The following P2RX4 variants were observed in gnomAD, a reference collection of about 807,000 sequenced individuals.
The protein encoded by P2RX4 is purinergic receptor P2X 4, also known as P2X purinoceptor 4.
Under a neutral mutation model 48.0 loss-of-function variants are expected in P2RX4, and 37 were observed. The ratio of observed to expected loss-of-function variants is 0.77; its 90% CI spans 0.59 to 1.01. The LOEUF is 1.01. P2RX4 is among the 50% of genes least tolerant of loss of function. The pLI is 0.00. For synonymous variants in P2RX4, 200 were observed against 199.7 expected (o/e 1.00, Z -0.01); for missense variants, 501 against 521.4 (o/e 0.96, Z 0.38).
At chr12:121,233,432 C>G in intron 11 of P2RX4, 91 bp from the exon 12 acceptor site, 1 of 1,397,890 alleles carries the variant, frequency 7.2e-7, no homozygotes. Flanking sequence ...CTTGAGAACC[C>G]CTGGCGGTGA....
At chr12:121,212,516 G>A (rs796073300) in intron 1 of P2RX4, among the ~76,000 whole-genome samples, 2 of 147,630 alleles carry the variant, frequency 1.4e-5, no homozygotes, top group Admixed American at 6.8e-5. Flanking sequence ...TTCTGAACAC[G>A]GTGGCTCATG....
intron 5 of P2RX4, among the ~76,000 whole-genome samples, chr12:121,225,906 A>G (rs1226474573): frequency 6.6e-6 from 1 of 151,890 alleles, no homozygotes; most frequent in African/African-American, 2.4e-5. Context: ...TTTTTGACAC[A>G]GGATCTTGCT....
intron 5 of P2RX4, among the ~76,000 whole-genome samples, chr12:121,228,111 TG>T (rs1013585234): frequency 6.6e-6 from 1 of 151,642 alleles, no homozygotes; most frequent in African/African-American, 2.4e-5. Context: ...ATATATAGGC[TG>T]GGCGTGATGG....
intron 1 of P2RX4, chr12:121,215,103 C>T (rs1009221049): frequency 2.0e-5 from 3 of 152,132 alleles, no homozygotes; most frequent in African/African-American, 7.2e-5. Context: ...CTATAAATAA[C>T]AACACTGATA....
intron 5 of P2RX4, among the ~76,000 whole-genome samples, chr12:121,226,039 G>A (rs937943935): frequency 6.6e-6 from 1 of 151,694 alleles, no homozygotes. Flanking sequence ...ACCATGCCCA[G>A]CCAACTTATT....
intron 2 of P2RX4, among the ~76,000 whole-genome samples, chr12:121,217,816 A>AT (rs1194710229): frequency 6.6e-6 from 1 of 152,000 alleles, no homozygotes; most frequent in Non-Finnish European, 1.5e-5. Context: ...TTAGAGACCA[A>AT]AACCCAAACA....
chr12:121,219,998 A>G (rs1456444944), intron 2 of P2RX4, among the ~76,000 whole-genome samples: 2 of 152,190 alleles, frequency 1.3e-5, no homozygotes, highest in Non-Finnish European at 2.9e-5. Flanking sequence ...CTTCAGTCTC[A>G]TCCCTAGCAA....
In P2RX4 at chr12:121,232,282, C is replaced by T. The variant is rs984781551; in HGVS notation, c.885-132C>T. On this transcript the variant is annotated intron_variant, in intron 8 of 11. Transcript: ENST00000337233. This position sits in a 1 kb window ranked among gnomAD's most constrained non-coding sequence, Gnocchi z 4.3. ...AGCCCGCCTCAGCCAGGAGAGGCCC[C>T]GAGCCGCTCCAGCGTCCATTCAGCC... 10 of 678,812 alleles carry T rather than the reference C, an allele frequency of 1.5e-5. No individual in the cohort carries two copies. Among genetic ancestry groups the T allele is most frequent in the African/African-American group, 3.5e-5 (2 of 56,412 alleles). The allele number at this position is 678,812 out of a possible 1,614,324, so 42.0% of individuals were successfully genotyped here. A position where few individuals can be genotyped will look rare whatever the true frequency, so the allele number is the denominator to read the frequency against.
At chr12:121,213,053 C>G (rs576084583) in intron 1 of P2RX4, 1 of 151,532 alleles carries the variant, frequency 6.6e-6, no homozygotes, top group East Asian at 1.9e-4. Context: ...TAACTTGCAC[C>G]TGTTGAACAC....
intron 2 of P2RX4, among the ~76,000 whole-genome samples, chr12:121,221,168 G>T (rs1008241020): frequency 8.2e-5 from 7 of 85,622 alleles, no homozygotes; most frequent in Non-Finnish European, 1.1e-4. Context: ...GTGTGTGTTT[G>T]TGTGTGTGTG....
At chr12:121,224,862 T>G (rs1470171424) in intron 5 of P2RX4, among the ~76,000 whole-genome samples, 1 of 151,142 alleles carries the variant, frequency 6.6e-6, no homozygotes, top group Non-Finnish European at 1.5e-5. Flanking sequence ...AAGGAAAGGC[T>G]GAGAACTGCA....
At chr12:121,217,086 A>G (rs746637906) in intron 1 of P2RX4, 48 bp from the exon 2 acceptor site, 2 of 1,583,400 alleles carry the variant, frequency 1.3e-6, no homozygotes, top group South Asian at 1.1e-5. Flanking sequence ...ATCAATTCAA[A>G]TCCATTGAAT....
intron 2 of P2RX4, among the ~76,000 whole-genome samples, chr12:121,219,821 G>A (rs1217079861): frequency 3.8e-5 from 5 of 130,018 alleles, no homozygotes; most frequent in Non-Finnish European, 8.3e-5. Context: ...GATAGATATA[G>A]GATAGATTAG....
intron 2 of P2RX4, among the ~76,000 whole-genome samples, chr12:121,219,601 ATGGATG>A (rs1886449574): frequency 3.5e-5 from 4 of 114,228 alleles, no homozygotes; most frequent in African/African-American, 1.2e-4. Flanking sequence ...GGATGGATGG[ATGGATG>A]GATGGATGGA....
Position 121,233,243 on chromosome 12 carries a change from C to T in P2RX4, c.1140+151C>T, listed in dbSNP as rs1446863548. The T allele has an allele frequency of 2.4e-5, 16 of 658,744 alleles. No homozygotes were observed. In the Admixed American group the frequency reaches 4.3e-4, roughly 18 times the overall value. The allele number at this position is 658,744 out of a possible 1,614,324, so 40.8% of individuals were successfully genotyped here. A position where few individuals can be genotyped will look rare whatever the true frequency, so the allele number is the denominator to read the frequency against. On this transcript the variant is annotated intron_variant, in intron 11 of 11. Transcript: ENST00000337233. ...TTAACCCGGGCAGTCCTGCCACTCT[C>T]AGCAGCTGCTCCATCCCTAGGCCCC...
chr12:121,227,543 C>T (rs570645504), intron 5 of P2RX4, among the ~76,000 whole-genome samples: 4 of 152,256 alleles, frequency 2.6e-5, no homozygotes, highest in South Asian at 4.1e-4. Flanking sequence ...CCCTGGAGAA[C>T]GCCTGCGGCC....
chr12:121,215,349 A>G (rs912853801), intron 1 of P2RX4: 3 of 152,228 alleles, frequency 2.0e-5, no homozygotes, highest in African/African-American at 7.2e-5. Context: ...CACCTTGGCC[A>G]AAGTTATGCC....
chr12:121,224,159 T>G (rs1169054888), intron 5 of P2RX4, among the ~76,000 whole-genome samples: 1 of 152,170 alleles, frequency 6.6e-6, no homozygotes, highest in East Asian at 1.9e-4. Flanking sequence ...CCTCTGCAGC[T>G]GGGGCTAGAG....
chr12:121,231,041 G>A (rs1887325916), intron 8 of P2RX4, among the ~76,000 whole-genome samples: 1 of 150,332 alleles, frequency 6.7e-6, no homozygotes, highest in African/African-American at 2.5e-5. Context: ...AGGTTGGAGT[G>A]CAGTGGTGCG....
Sources: gnomAD v4.1 joint callset for allele counts (sites outside exome capture counted in the v4.1 genomes callset) on GRCh38, gnomAD v4.1.1 for gene constraint, Gnocchi (gnomAD v3.1) non-coding constraint, MANE v1.5 for transcripts, NCBI Gene and HGNC (gene_info 2026-07-23, HGNC 2026-07-21) for gene names.